The following PXDNL variants were observed in gnomAD, a reference collection of about 807,000 sequenced individuals.
PXDNL encodes the protein probable oxidoreductase PXDNL.
In PXDNL, 145 loss-of-function variants were observed where a neutral mutation model predicts 150.8. The observed-to-expected ratio is 0.96, with a 90% CI of 0.84 to 1.10. The LOEUF is 1.10. Among genes scored for constraint, PXDNL ranks in the 50% least tolerant of loss-of-function variants. PXDNL has a pLI of 0.00. For synonymous variants in PXDNL, 757 were observed against 725.7 expected, an observed-to-expected ratio of 1.04 and a Z score of -0.69; for missense variants, 2,087 against 1,873.9, an observed-to-expected ratio of 1.11 and a Z score of -2.10.
intron 4 of PXDNL, among the ~76,000 whole-genome samples, chr8:51,516,964 G>T (rs193207637): frequency 6.6e-6 from 1 of 152,250 alleles, no homozygotes; most frequent in Non-Finnish European, 1.5e-5. Flanking sequence ...ATTATCAGAA[G>T]TTCTAATTAT....
intron 2 of PXDNL, among the ~76,000 whole-genome samples, chr8:51,646,890 G>C (rs940160140): frequency 6.6e-6 from 1 of 152,144 alleles, no homozygotes; most frequent in African/African-American, 2.4e-5. Flanking sequence ...GGCACAGGTG[G>C]TTGTAGAAAG....
chr8:51,697,110 C>A lies in PXDNL; in HGVS notation c.165-42350G>T, dbSNP rs796937693. Among the ~76,000 whole-genome samples, 9 of 152,214 alleles carry A rather than the reference C, an allele frequency of 5.9e-5. 1 individual carries two copies. The highest frequency in any genetic ancestry group is 1.4e-4 in the African/African-American group (6 of 41,530). ...CTTGAGGTCAGGAGTTCGAGACCAG[C>A]CTGGCCAACATGTTGAAACCCCATG... On this transcript the variant is annotated intron_variant, in intron 1 of 22. Coordinates refer to ENST00000356297, the MANE Select transcript of PXDNL (RefSeq NM_144651.5).
At chr8:51,606,834 C>G (rs975016179) in intron 2 of PXDNL, among the ~76,000 whole-genome samples, 10 of 152,060 alleles carry the variant, frequency 6.6e-5, no homozygotes, top group African/African-American at 2.4e-4. Context: ...TTCACACATA[C>G]AACACATAGC....
chr8:51,410,511 T>C (rs111401832), intron 16 of PXDNL, among the ~76,000 whole-genome samples: 1,807 of 152,182 alleles, frequency 0.012, 40 homozygotes, highest in African/African-American at 0.041. Flanking sequence ...GTTAGAGAAA[T>C]TGTACAGAGC....
chr8:51,495,748 A>C (rs1413607186), intron 5 of PXDNL, among the ~76,000 whole-genome samples: 1 of 152,200 alleles, frequency 6.6e-6, no homozygotes, highest in Non-Finnish European at 1.5e-5. Context: ...TGAATCTCTG[A>C]ATAGACCAAT....
chr8:51,639,948 T>A (rs980131540), intron 2 of PXDNL, among the ~76,000 whole-genome samples: 48 of 151,932 alleles, frequency 3.2e-4, no homozygotes, highest in Non-Finnish European at 6.3e-4. Flanking sequence ...GACGCAAAAA[T>A]CCTCAATAAA....
chr8:51,528,179 C>T (rs139562870), intron 4 of PXDNL, among the ~76,000 whole-genome samples: 4 of 152,078 alleles, frequency 2.6e-5, no homozygotes, highest in East Asian at 1.9e-4. Flanking sequence ...CAACAGACCC[C>T]GCTTCTCCTG....
rs544365346 is a variant in PXDNL, at chr8:51,805,003, C to G, written c.164+4178G>C. 3.3e-5 allele frequency among the ~76,000 whole-genome samples: 5 copies of G among 151,918 alleles called. No homozygotes were observed. The South Asian group carries it at 1.0e-3, about 32-fold the overall frequency. ...TCACCTGCCCTTCCTTCCAGAACAG[C>G]CTCTTCCAGCCCCTCTCCACAGAAC... On this transcript the variant is annotated intron_variant, in intron 1 of 22. Transcript: ENST00000356297.
chr8:51,636,380 C>T (rs902271899), intron 2 of PXDNL, among the ~76,000 whole-genome samples: 1 of 152,038 alleles, frequency 6.6e-6, no homozygotes, highest in Non-Finnish European at 1.5e-5. Context: ...ATACAGGCAT[C>T]CAAACTGGAA....
intron 8 of PXDNL, among the ~76,000 whole-genome samples, chr8:51,467,489 T>C (rs1481729582): frequency 4.6e-5 from 7 of 152,144 alleles, no homozygotes; most frequent in African/African-American, 1.7e-4. Context: ...GGGAGGGACA[T>C]AAGTGTTGAA....
chr8:51,536,271 G>A (rs1812076168), intron 4 of PXDNL, among the ~76,000 whole-genome samples: 1 of 152,306 alleles, frequency 6.6e-6, no homozygotes, highest in Admixed American at 6.5e-5. Flanking sequence ...AACTGGAAAT[G>A]GAGAGAAAAA....
At chr8:51,401,211 A>G (rs1808239836) in intron 17 of PXDNL, among the ~76,000 whole-genome samples, 2 of 152,244 alleles carry the variant, frequency 1.3e-5, no homozygotes, top group Admixed American at 1.3e-4. Context: ...GAGTCAAACA[A>G]CAGGACTTGG....
chr8:51,653,706 G>A (rs949031563), intron 2 of PXDNL, among the ~76,000 whole-genome samples: 1 of 152,190 alleles, frequency 6.6e-6, no homozygotes, highest in Non-Finnish European at 1.5e-5. Context: ...AGAAGCACAA[G>A]TGTAAAGTTA....
intron 1 of PXDNL, among the ~76,000 whole-genome samples, chr8:51,774,423 T>G (rs1348208016): frequency 6.6e-6 from 1 of 152,202 alleles, no homozygotes; most frequent in Non-Finnish European, 1.5e-5. Context: ...AAATTGTCCA[T>G]GGTTAGGAAG....
intron 19 of PXDNL, among the ~76,000 whole-genome samples, chr8:51,369,192 C>T (rs1173788254): frequency 6.6e-6 from 1 of 152,050 alleles, no homozygotes; most frequent in South Asian, 2.1e-4. Flanking sequence ...GGGAAATTCG[C>T]AACTTCAGGT....
intron 1 of PXDNL, among the ~76,000 whole-genome samples, chr8:51,735,799 G>A (rs920561957): frequency 1.3e-5 from 2 of 151,752 alleles, no homozygotes; most frequent in Non-Finnish European, 2.9e-5. Flanking sequence ...GCCCGCCTCG[G>A]CCTCCCAAAG....
At chr8:51,701,834 T>C (rs1816264695) in intron 1 of PXDNL, among the ~76,000 whole-genome samples, 1 of 152,064 alleles carries the variant, frequency 6.6e-6, no homozygotes, top group Admixed American at 6.6e-5. Context: ...TGCAGTCTCT[T>C]TGTTTAGAAC....
At chr8:51,697,102 G>A (rs1192168408) in intron 1 of PXDNL, among the ~76,000 whole-genome samples, 1 of 152,076 alleles carries the variant, frequency 6.6e-6, no homozygotes, top group African/African-American at 2.4e-5. Flanking sequence ...TCAGGAGTTC[G>A]AGACCAGCCT....
At chr8:51,737,169 C>G (rs979506448) in intron 1 of PXDNL, among the ~76,000 whole-genome samples, 1 of 152,192 alleles carries the variant, frequency 6.6e-6, no homozygotes, top group African/African-American at 2.4e-5. Context: ...TGACTATCTC[C>G]TTACCACATT....
Sources: allele counts gnomAD v4.1 joint callset (sites outside exome capture counted in the v4.1 genomes callset), GRCh38; gene constraint gnomAD v4.1.1; transcripts MANE v1.5; gene names NCBI Gene and HGNC (gene_info 2026-07-23, HGNC 2026-07-21).